The following CCR9 variants were observed in gnomAD, a reference collection of about 807,000 sequenced individuals.
CCR9 encodes C-C chemokine receptor type 9.
In CCR9, 4 loss-of-function variants were observed where a neutral mutation model predicts 8.7. The ratio of observed to expected loss-of-function variants is 0.46; its 90% CI spans 0.23 to 1.06. CCR9 has a LOEUF of 1.06. Among genes scored for constraint, CCR9 ranks in the 50% least tolerant of loss-of-function variants. CCR9 has a pLI of 0.21. For synonymous variants in CCR9, 159 were observed against 168.8 expected (o/e 0.94, Z 0.45); for missense variants, 394 against 453.6 (o/e 0.87, Z 1.19).
chr3:45,895,032 C>A, intron 2 of CCR9, 78 bp downstream of exon 2: 1 of 1,393,638 alleles, frequency 7.2e-7, no homozygotes, highest in Non-Finnish European at 1.0e-6. Flanking sequence ...GAAGGATCCA[C>A]TGTGGGGGAA....
chr3:45,892,578 A>C (rs560277614), intron 1 of CCR9, among the ~76,000 whole-genome samples: 10 of 152,264 alleles, frequency 6.6e-5, no homozygotes, highest in African/African-American at 2.2e-4. Context: ...GGGAGGTAGG[A>C]GGGTGAGGAT....
Position 45,896,755 on chromosome 3 carries a change from AT to A in CCR9, c.21+1807del, listed in dbSNP as rs1168199581. ...CAGAGTCCCTGCTGATAACAAATTCATTTTTTCCCCACCTCCCTCCTTCTTG... is the reference window on the plus strand; with the variant it reads ...CAGAGTCCCTGCTGATAACAAATTCATTTTTCCCCACCTCCCTCCTTCTTG... On this transcript the variant is annotated intron_variant, in intron 2 of 2. Transcript: ENST00000357632. Among the ~76,000 whole-genome samples the A allele has an allele frequency of 3.3e-5, 5 of 151,978 alleles. No homozygotes were observed. In the South Asian group the frequency reaches 1.0e-3, roughly 32 times the overall value.
Position 45,886,592 on chromosome 3 carries a change from T to C in CCR9, c.-92T>C, listed in dbSNP as rs1026621688. ...TCCCAGGCAGAGAGCAACCCAGCTCTTTCCCCAGACACTGAGAGCTGGTGG... is the reference window on the plus strand; with the variant it reads ...TCCCAGGCAGAGAGCAACCCAGCTCCTTCCCCAGACACTGAGAGCTGGTGG... On this transcript the variant is annotated 5_prime_UTR_variant, in exon 1 of 3. Coordinates refer to ENST00000357632, the MANE Select transcript of CCR9 (RefSeq NM_031200.3). 1 of 152,224 alleles carries C rather than the reference T, an allele frequency of 6.6e-6. No individual in the cohort carries two copies. The highest frequency in any genetic ancestry group is 1.5e-5 in the Non-Finnish European group (1 of 68,098). The allele number at this position is 152,224 out of a possible 1,614,324, so 9.4% of individuals were successfully genotyped here.
rs750122631 is a variant in CCR9, at chr3:45,900,911, C to T, written c.123C>T (p.Asn41=). The change falls in exon 3 of 3, where the codon AAC becomes AAT. Residue 41 remains asparagine (N), a synonymous_variant. Coordinates refer to ENST00000357632, the MANE Select transcript of CCR9 (RefSeq NM_031200.3). The surrounding 1 kb of genome is among the most constrained non-coding windows in gnomAD (Gnocchi z 4.7). ...TCACTGACTTCTACTGTGAGAAAAA[C>T]AATGTCAGGCAGTTTGCGAGCCATT... is the stretch of plus-strand genomic sequence containing the variant. ...FNFTDFYCEK[N]NVRQFASHFL... is the part of the protein sequence containing the mutation. 1 of 1,614,176 alleles carries T rather than the reference C, an allele frequency of 6.2e-7. No homozygotes were observed.
At chr3:45,887,719 GC>G (rs1424987304) in intron 1 of CCR9, among the ~76,000 whole-genome samples, 2 of 152,228 alleles carry the variant, frequency 1.3e-5, no homozygotes, top group Non-Finnish European at 2.9e-5. Context: ...CTGTTCTGAA[GC>G]CTCTTTGTGT....
In CCR9 at chr3:45,901,135, C is replaced by T. The variant is rs1702541089; in HGVS notation, c.347C>T (p.Thr116Ile). The change falls in exon 3 of 3, where the codon ACC becomes ATC. Residue 116 changes from threonine to isoleucine, a missense_variant. Thr to Ile is a moderately conservative substitution (Grantham distance 89). Coordinates refer to ENST00000357632, the MANE Select transcript of CCR9 (RefSeq NM_031200.3). The surrounding 1 kb of genome is among the most constrained non-coding windows in gnomAD (Gnocchi z 4.3). Reference sequence around the variant, plus strand: ...GCTGCTGACCAGTGGAAGTTCCAGACCTTCATGTGCAAGGTGGTCAACAGC... The same window carrying T: ...GCTGCTGACCAGTGGAAGTTCCAGATCTTCATGTGCAAGGTGGTCAACAGC... ...IAAADQWKFQ[T>I]FMCKVVNSMY... is the part of the protein sequence containing the mutation. 1.2e-6 allele frequency: 2 copies of T among 1,614,052 alleles called. No homozygotes were observed. Among genetic ancestry groups the T allele is most frequent in the African/African-American group, 1.3e-5 (1 of 74,924 alleles).
chr3:45,894,998 A>T, intron 2 of CCR9, 44 bp downstream of exon 2: 1 of 1,596,272 alleles, frequency 6.3e-7, no homozygotes, highest in Non-Finnish European at 8.6e-7. Flanking sequence ...ACACACACTC[A>T]TCTTCCCTTT....
intron 2 of CCR9, among the ~76,000 whole-genome samples, chr3:45,898,884 T>C (rs571811343): frequency 6.6e-6 from 1 of 152,354 alleles, no homozygotes; most frequent in East Asian, 1.9e-4. Flanking sequence ...AAACAAGTTC[T>C]GGGCCGGGCA....
Position 45,901,038 on chromosome 3 carries a change from G to T in CCR9, c.250G>T (p.Asp84Tyr). ...WYCTRVKTMT[D>Y]MFLLNLAIAD... ...CTGCACAAGAGTGAAGACCATGACCGACATGTTCCTTTTGAATTTGGCAAT... is the reference window on the plus strand; with the variant it reads ...CTGCACAAGAGTGAAGACCATGACCTACATGTTCCTTTTGAATTTGGCAAT... Residue 84 changes from aspartate (D) to tyrosine (Y), a missense_variant, in exon 3 of 3, where the codon GAC becomes TAC. Coordinates refer to ENST00000357632, the MANE Select transcript of CCR9 (RefSeq NM_031200.3). The surrounding 1 kb of genome is among the most constrained non-coding windows in gnomAD (Gnocchi z 4.3). 1 of 1,614,192 alleles carries T rather than the reference G, an allele frequency of 6.2e-7. No homozygotes were observed. The highest frequency in any genetic ancestry group is 8.5e-7 in the Non-Finnish European group (1 of 1,180,034).
At chr3:45,899,771 G>A (rs1450478491) in intron 2 of CCR9, among the ~76,000 whole-genome samples, 3 of 152,132 alleles carry the variant, frequency 2.0e-5, no homozygotes, top group Non-Finnish European at 4.4e-5. Flanking sequence ...TCCTCCATCA[G>A]CAGTCCACAT....
chr3:45,893,866 A>G (rs1169959476), intron 1 of CCR9, among the ~76,000 whole-genome samples: 2 of 152,228 alleles, frequency 1.3e-5, no homozygotes, highest in Non-Finnish European at 2.9e-5. Context: ...AGAAACTGCC[A>G]GTTTTCCAAA....
intron 2 of CCR9, chr3:45,897,461 C>T: frequency 1.3e-6 from 1 of 757,388 alleles, no homozygotes; most frequent in Admixed American, 2.0e-5. Context: ...GGGATTCAGT[C>T]TTGGGAGTGT....
At chr3:45,899,851 T>G (rs1296562723) in intron 2 of CCR9, among the ~76,000 whole-genome samples, 1 of 152,174 alleles carries the variant, frequency 6.6e-6, no homozygotes, top group Middle Eastern at 3.2e-3. Context: ...CAGACCTCAT[T>G]TCCTGTTTCC....
chr3:45,890,350 C>CTT (rs1559421661), intron 1 of CCR9, among the ~76,000 whole-genome samples: 22 of 23,048 alleles, frequency 9.5e-4, no homozygotes, highest in South Asian at 2.9e-3. Flanking sequence ...ATATATATAA[C>CTT]ATATATATAT....
intron 1 of CCR9, among the ~76,000 whole-genome samples, chr3:45,890,391 A>G (rs746982313): frequency 1.5e-5 from 1 of 67,382 alleles, no homozygotes; most frequent in Non-Finnish European, 3.4e-5. Context: ...TTTCTAATTG[A>G]TATCTCAAAA....
In CCR9 at chr3:45,902,461, T is replaced by A; in HGVS notation, c.*563T>A. The stretch of plus-strand genomic sequence containing the variant: ...TAATTTCCTTCTGTTCTCCTTGTTC[T>A]GTTCTGGGCCAGTGAAGGTCCTTGT... On this transcript the variant is annotated 3_prime_UTR_variant, in exon 3 of 3. Transcript: ENST00000357632. The A allele has an allele frequency of 6.0e-6, 1 of 167,764 alleles. No individual in the cohort carries two copies. 10.4% of individuals were successfully genotyped at this position (167,764 alleles called of 1,614,324 possible).
In CCR9 at chr3:45,890,328, TATATATAAC is replaced by T. The variant is rs1418707410; in HGVS notation, c.-29+3681_-29+3689del. Among the ~76,000 whole-genome samples, 2 of 79,450 alleles carry T rather than the reference TATATATAAC, an allele frequency of 2.5e-5. 1 individual carries two copies. Among genetic ancestry groups the T allele is most frequent in the Non-Finnish European group, 4.1e-5 (2 of 48,716 alleles). The allele number at this position is 79,450 out of a possible 152,430, so 52.1% of individuals were successfully genotyped here. A position where few individuals can be genotyped will look rare whatever the true frequency, so the allele number is the denominator to read the frequency against. ...ACATATATATATATTTATATAAATA[TATATATAAC>T]ATATATATATAACATATATATATAT... is the stretch of plus-strand genomic sequence containing the variant. On this transcript the variant is annotated intron_variant, in intron 1 of 2. Transcript: ENST00000357632.
At chr3:45,894,978 G>T (rs1702307684) in intron 2 of CCR9, 24 bp downstream of exon 2, 1 of 1,612,534 alleles carries the variant, frequency 6.2e-7, no homozygotes, top group East Asian at 2.2e-5. Context: ...TGCTCCTCTG[G>T]CTCCTCAAAA....
At chr3:45,897,238 G>A (rs1259226967) in intron 2 of CCR9, among the ~76,000 whole-genome samples, 1 of 152,210 alleles carries the variant, frequency 6.6e-6, no homozygotes, top group African/African-American at 2.4e-5. Context: ...TCATGACACA[G>A]GGGGTGTTGT....
Sources: gnomAD v4.1 joint callset for allele counts (sites outside exome capture counted in the v4.1 genomes callset) on GRCh38, gnomAD v4.1.1 for gene constraint, Gnocchi (gnomAD v3.1) non-coding constraint, MANE v1.5 for transcripts, NCBI Gene and HGNC (gene_info 2026-07-23, HGNC 2026-07-21) for gene names.